DYNC2H1: variants seen among roughly 807,000 people sequenced by gnomAD.
DYNC2H1 encodes cytoplasmic dynein 2 heavy chain 1.
A neutral mutation model predicts 570.0 loss-of-function variants in DYNC2H1; 410 were observed. The ratio of observed to expected loss-of-function variants is 0.72; its 90% CI spans 0.66 to 0.78. DYNC2H1 has a LOEUF of 0.78. Among genes scored for constraint, DYNC2H1 ranks in the 30% least tolerant of loss-of-function variants. The pLI is 0.00. For missense variants in DYNC2H1, 4,865 were observed against 5,046.4 expected (o/e 0.96, Z 1.09); for synonymous variants, 1,688 against 1,677.6 (o/e 1.01, Z -0.15).
At chr11:103,339,933 T>C (rs1939359419) in intron 82 of DYNC2H1, among the ~76,000 whole-genome samples, 1 of 152,204 alleles carries the variant, frequency 6.6e-6, no homozygotes, top group Non-Finnish European at 1.5e-5. Flanking sequence ...TGTGTTCCAC[T>C]GTGATAGGGC....
rs76226844 is a variant in DYNC2H1, at chr11:103,449,039, T to A, written c.12457-6147T>A. The stretch of plus-strand genomic sequence containing the variant: ...AGAAATAGGAAAGACGTTTCTGATA[T>A]GGTGGCATGTGAACAGAGACCTAAA... On this transcript the variant is annotated intron_variant, in intron 85 of 88. Transcript: ENST00000375735. Among the ~76,000 whole-genome samples, 406 of 152,272 alleles carry A rather than the reference T, an allele frequency of 2.7e-3. 14 individuals carry two copies. In the East Asian group the frequency reaches 0.063, roughly 24 times the overall value.
chr11:103,467,157 T>C (rs1945217932), intron 87 of DYNC2H1, among the ~76,000 whole-genome samples: 2 of 152,194 alleles, frequency 1.3e-5, no homozygotes, highest in African/African-American at 4.8e-5. Flanking sequence ...TTATTGTTTA[T>C]AGATACAGAT....
intron 82 of DYNC2H1, among the ~76,000 whole-genome samples, chr11:103,335,048 T>A (rs1350358282): frequency 6.6e-6 from 1 of 152,130 alleles, no homozygotes; most frequent in Non-Finnish European, 1.5e-5. Flanking sequence ...TATTAGGGCT[T>A]TCATGGATTA....
intron 83 of DYNC2H1, among the ~76,000 whole-genome samples, chr11:103,397,777 C>T (rs1475536079): frequency 1.3e-5 from 2 of 152,130 alleles, no homozygotes; most frequent in Non-Finnish European, 2.9e-5. Context: ...TGCCTGTATT[C>T]CTAGCTACTC....
At chr11:103,153,833 T>G (rs1308780230) in intron 22 of DYNC2H1, among the ~76,000 whole-genome samples, 4 of 151,814 alleles carry the variant, frequency 2.6e-5, no homozygotes, top group Non-Finnish European at 1.5e-5. Context: ...TTACTTTTAG[T>G]GCCTCTGAGA....
chr11:103,387,028 G>T (rs1941913930), intron 83 of DYNC2H1, among the ~76,000 whole-genome samples: 1 of 152,044 alleles, frequency 6.6e-6, no homozygotes, highest in Non-Finnish European at 1.5e-5. Flanking sequence ...TAATGGGATG[G>T]CTGGGTCAAA....
At chr11:103,315,159 C>A (rs542012570) in intron 79 of DYNC2H1, among the ~76,000 whole-genome samples, 8 of 152,006 alleles carry the variant, frequency 5.3e-5, no homozygotes, top group Non-Finnish European at 1.2e-4. Context: ...GATCAATTTT[C>A]TAGGCTGTAT....
At position 103,461,786 on chromosome 11, in the gene DYNC2H1, A is replaced by G. The variant is rs367623532; in HGVS notation, c.12648+5430A>G. ...TATTAAACATTTTAAACAAATACAG[A>G]AGAGAGAGTAGTAAAATGAGTCTGC... On this transcript the variant is annotated intron_variant, in intron 87 of 88. Coordinates refer to ENST00000375735, the MANE Select transcript of DYNC2H1 (RefSeq NM_001377.3). This position sits in a 1 kb window ranked among gnomAD's most constrained non-coding sequence, Gnocchi z 4.8. Among the ~76,000 whole-genome samples, 14 of 152,008 alleles carry G rather than the reference A, an allele frequency of 9.2e-5. No individual in the cohort carries two copies. The highest frequency in any genetic ancestry group is 2.7e-4 in the African/African-American group (11 of 41,466).
rs911663850 is a variant in DYNC2H1, at chr11:103,181,452, A to G, written c.6348-305A>G. On this transcript the variant is annotated intron_variant, in intron 39 of 88. Coordinates refer to ENST00000375735, the MANE Select transcript of DYNC2H1 (RefSeq NM_001377.3). The surrounding 1 kb of genome is among the most constrained non-coding windows in gnomAD (Gnocchi z 5.0). ...TATGTAGAGTAGGTTGTGTAGATATATAATTCTCGTTTAGTTTATATTTAT... is the reference window on the plus strand; with the variant it reads ...TATGTAGAGTAGGTTGTGTAGATATGTAATTCTCGTTTAGTTTATATTTAT... 1.3e-5 allele frequency among the ~76,000 whole-genome samples: 2 copies of G among 151,490 alleles called. No individual in the cohort carries two copies. Among genetic ancestry groups the G allele is most frequent in the African/African-American group, 4.8e-5 (2 of 41,340 alleles).
chr11:103,236,172 T>C (rs540199213), intron 62 of DYNC2H1, among the ~76,000 whole-genome samples: 34 of 152,120 alleles, frequency 2.2e-4, no homozygotes, highest in African/African-American at 7.9e-4. Flanking sequence ...TTTGTGATGT[T>C]AGTGGTATTT....
chr11:103,447,573 T>C (rs2135784671), intron 85 of DYNC2H1, among the ~76,000 whole-genome samples: 1 of 152,262 alleles, frequency 6.6e-6, no homozygotes, highest in South Asian at 2.1e-4. Context: ...GCCTTCCAAG[T>C]ATCCATCATG....
chr11:103,210,094 C>A, intron 53 of DYNC2H1, 134 bp downstream of exon 53: 1 of 1,069,794 alleles, frequency 9.3e-7, no homozygotes, highest in Non-Finnish European at 1.2e-6. Context: ...TAGATTTCTT[C>A]TGATGCAAAC....
At position 103,209,907 on chromosome 11, in the gene DYNC2H1, G is replaced by A; in HGVS notation, c.8486G>A (p.Gly2829Asp). The A allele has an allele frequency of 1.3e-6, 2 of 1,494,146 alleles. No individual in the cohort carries two copies. The highest frequency in any genetic ancestry group is 1.8e-6 in the Non-Finnish European group (2 of 1,118,630). The allele number at this position is 1,494,146 out of a possible 1,614,324, so 92.6% of individuals were successfully genotyped here. A position where few individuals can be genotyped will look rare whatever the true frequency, so the allele number is the denominator to read the frequency against. ...IPEMLFSETG[G>D]GEKYNDKKRK... is the part of the protein sequence containing the mutation. ...GAAATGTTATTCAGTGAAACAGGTG[G>A]TGGAGAAAAATACAATGATAAAAAA... Residue 2829 changes from glycine (G) to aspartate (D), a missense_variant, in exon 53 of 89, where the codon GGT becomes GAT. Gly to Asp is a moderately conservative substitution (Grantham distance 94). Around this residue, in one of 5 missense-constraint regions of DYNC2H1, gnomAD observed 2,401 missense variants for 2,454.6 expected, o/e 0.98. Coordinates refer to ENST00000375735, the MANE Select transcript of DYNC2H1 (RefSeq NM_001377.3). This position sits in a 1 kb window ranked among gnomAD's most constrained non-coding sequence, Gnocchi z 4.2.
rs529961604 is a variant in DYNC2H1, at chr11:103,148,820, AG to A, written c.2946+205del. 6.9e-3 allele frequency among the ~76,000 whole-genome samples: 1,052 copies of A among 152,248 alleles called. 8 individuals are homozygous for A. The highest frequency in any genetic ancestry group is 0.024 in the African/African-American group (992 of 41,534). ...ACGCCTGTAATCTCAGTACTTTGGG[AG>A]GCCGAGGCAGGCAGATCACGAGGTT... On this transcript the variant is annotated intron_variant, in intron 20 of 88. Coordinates refer to ENST00000375735, the MANE Select transcript of DYNC2H1 (RefSeq NM_001377.3).
At chr11:103,431,189 G>C (rs770689290) in intron 84 of DYNC2H1, among the ~76,000 whole-genome samples, 3 of 143,900 alleles carry the variant, frequency 2.1e-5, no homozygotes, top group Non-Finnish European at 4.5e-5. Context: ...GGTTAGACCT[G>C]GATTCAACTT....
intron 17 of DYNC2H1, among the ~76,000 whole-genome samples, chr11:103,139,123 G>C (rs1297843599): frequency 6.6e-6 from 1 of 151,660 alleles, no homozygotes; most frequent in Non-Finnish European, 1.5e-5. Context: ...TATTAGTCTT[G>C]CTAGCGGTCT....
intron 17 of DYNC2H1, among the ~76,000 whole-genome samples, chr11:103,140,661 G>C (rs1460904041): frequency 6.6e-6 from 1 of 152,062 alleles, no homozygotes; most frequent in East Asian, 1.9e-4. Flanking sequence ...TTCAACTTTG[G>C]TGAATCTGAC....
chr11:103,247,965 C>T (rs893572400), intron 65 of DYNC2H1, among the ~76,000 whole-genome samples: 3 of 151,988 alleles, frequency 2.0e-5, no homozygotes, highest in African/African-American at 7.2e-5. Flanking sequence ...TCCAAAGGTG[C>T]CTCTTGCAAG....
intron 82 of DYNC2H1, among the ~76,000 whole-genome samples, chr11:103,355,616 G>C (rs1226956451): frequency 6.6e-6 from 1 of 152,160 alleles, no homozygotes; most frequent in Non-Finnish European, 1.5e-5. Context: ...AAACATAGGT[G>C]TTCCTGAAAT....
Sources: gnomAD v4.1 joint callset for allele counts (sites outside exome capture counted in the v4.1 genomes callset) on GRCh38, gnomAD v4.1.1 for gene constraint, gnomAD v4.1.1 regional missense constraint, Gnocchi (gnomAD v3.1) non-coding constraint, MANE v1.5 for transcripts, NCBI Gene and HGNC (gene_info 2026-07-23, HGNC 2026-07-21) for gene names.